Variants in CDC42SE2 observed in about 807,000 individuals in gnomAD.
CDC42SE2 encodes the protein CDC42 small effector protein 2.
Under a neutral mutation model 11.5 loss-of-function variants are expected in CDC42SE2, and 3 were observed. That is an observed-to-expected ratio of 0.26 (90% CI 0.12 to 0.67). The LOEUF (loss-of-function observed/expected upper bound fraction) is 0.67. CDC42SE2 is among the 30% of genes least tolerant of loss of function. The pLI is 0.80. For missense variants in CDC42SE2, 82 were observed against 106.8 expected (o/e 0.77, Z 1.02); for synonymous variants, 33 against 34.8 (o/e 0.95, Z 0.18).
intron 1 of CDC42SE2, among the ~76,000 whole-genome samples, chr5:131,290,908 T>C (rs1757444982): frequency 6.6e-6 from 1 of 152,140 alleles, no homozygotes; most frequent in African/African-American, 2.4e-5. Flanking sequence ...AACTGTATCT[T>C]TGTCTTTTAC....
At chr5:131,211,112 C>T in the CDC42SE2 span, among the ~76,000 whole-genome samples, 1 of 152,332 alleles carries the variant, frequency 6.6e-6, no homozygotes, top group East Asian at 1.9e-4. Context: ...GCTGGGATTA[C>T]AGATGTGAGC....
chr5:131,304,176 G>A (rs1162980714), intron 1 of CDC42SE2, among the ~76,000 whole-genome samples: 1 of 151,762 alleles, frequency 6.6e-6, no homozygotes, highest in African/African-American at 2.4e-5. Flanking sequence ...TAGAAATGGG[G>A]TCTCTCTACA....
intron 1 of CDC42SE2, among the ~76,000 whole-genome samples, chr5:131,270,793 T>C (rs1019617499): frequency 6.6e-6 from 1 of 152,234 alleles, no homozygotes; most frequent in Non-Finnish European, 1.5e-5. Flanking sequence ...TTCAGAACTT[T>C]TCTTTGGCTC....
At chr5:131,356,558 A>G (rs1370857274) in intron 2 of CDC42SE2, among the ~76,000 whole-genome samples, 5 of 152,220 alleles carry the variant, frequency 3.3e-5, no homozygotes. Context: ...AATTGCAAAC[A>G]TCTTCTTGGT....
At chr5:131,381,322 G>GTT (rs58641820) in intron 3 of CDC42SE2, among the ~76,000 whole-genome samples, 25 of 146,212 alleles carry the variant, frequency 1.7e-4, no homozygotes, top group East Asian at 9.9e-4. Flanking sequence ...GTTTTTTTTT[G>GTT]TTTTTTTTTT....
At chr5:131,344,579 C>T (rs1758794575) in intron 2 of CDC42SE2, among the ~76,000 whole-genome samples, 1 of 152,234 alleles carries the variant, frequency 6.6e-6, no homozygotes, top group Non-Finnish European at 1.5e-5. Context: ...GGGGGCAGGG[C>T]ATAGCTGAAC....
chr5:131,331,882 A>T (rs1182598705), intron 2 of CDC42SE2, among the ~76,000 whole-genome samples: 1 of 152,220 alleles, frequency 6.6e-6, no homozygotes. Flanking sequence ...ATCATTTCAA[A>T]TACCACATTT....
the CDC42SE2 span, among the ~76,000 whole-genome samples, chr5:131,215,999 C>T: frequency 6.6e-6 from 1 of 152,122 alleles, no homozygotes; most frequent in Non-Finnish European, 1.5e-5. Context: ...TTTATAAATT[C>T]GCTTTTCTGT....
intron 1 of CDC42SE2, among the ~76,000 whole-genome samples, chr5:131,270,170 C>T (rs960057614): frequency 6.6e-6 from 1 of 151,696 alleles, no homozygotes; most frequent in Non-Finnish European, 1.5e-5. Context: ...GTCAGGAGAT[C>T]AAGACCATCC....
At chr5:131,388,673 C>T (rs1750562314) in intron 4 of CDC42SE2, among the ~76,000 whole-genome samples, 1 of 152,164 alleles carries the variant, frequency 6.6e-6, no homozygotes. Context: ...CACAATAATA[C>T]ATTGTCTCAA....
At chr5:131,238,101 C>A in the CDC42SE2 span, among the ~76,000 whole-genome samples, 1 of 148 alleles carries the variant, frequency 6.8e-3, no homozygotes, top group African/African-American at 0.02. Flanking sequence ...TAGTATTTTT[C>A]ATCCTTTCCC....
Position 131,374,634 on chromosome 5 carries a change from G to T in CDC42SE2, c.55-10909G>T, listed in dbSNP as rs146293855. On this transcript the variant is annotated intron_variant, in intron 3 of 4. Transcript: ENST00000505065. ...GCCAGAAGCAATTCCAGTGCAAAGTGTGGTGTAAGAAAAATTAATTATAGT... is the reference window on the plus strand; with the variant it reads ...GCCAGAAGCAATTCCAGTGCAAAGTTTGGTGTAAGAAAAATTAATTATAGT... 7.5e-3 allele frequency among the ~76,000 whole-genome samples: 1,135 copies of T among 151,690 alleles called. 44 individuals are homozygous for T. Among genetic ancestry groups the T allele is most frequent in the Admixed American group, 0.066 (1,008 of 15,256 alleles).
chr5:131,289,162 T>A (rs1257646012), intron 1 of CDC42SE2, among the ~76,000 whole-genome samples: 2 of 152,226 alleles, frequency 1.3e-5, no homozygotes, highest in African/African-American at 2.4e-5. Context: ...TTGACTAAGA[T>A]CTTGACCTTA....
intron 1 of CDC42SE2, among the ~76,000 whole-genome samples, chr5:131,274,267 G>A (rs757660706): frequency 9.2e-5 from 14 of 151,730 alleles, no homozygotes; most frequent in African/African-American, 3.1e-4. Flanking sequence ...CCCCATTCCC[G>A]TCTTCCTCAT....
At chr5:131,302,575 C>T (rs545569020) in intron 1 of CDC42SE2, among the ~76,000 whole-genome samples, 3 of 152,210 alleles carry the variant, frequency 2.0e-5, no homozygotes, top group South Asian at 2.1e-4. Context: ...CTCAGCCTCC[C>T]GAAGTTCTGG....
intron 2 of CDC42SE2, among the ~76,000 whole-genome samples, chr5:131,347,211 T>C (rs574429780): frequency 3.3e-5 from 5 of 152,096 alleles, no homozygotes; most frequent in Non-Finnish European, 7.4e-5. Context: ...ATCCAGGAGT[T>C]GGTGTTTTTG....
At chr5:131,361,080 T>A (rs912248004) in intron 3 of CDC42SE2, among the ~76,000 whole-genome samples, 1 of 151,130 alleles carries the variant, frequency 6.6e-6, no homozygotes. Flanking sequence ...TTTGTTTTTT[T>A]TTTTGGATTG....
In CDC42SE2 at chr5:131,354,841, T is replaced by A. The variant is rs574623234; in HGVS notation, c.-285-4368T>A. On this transcript the variant is annotated intron_variant, in intron 2 of 4. Coordinates refer to ENST00000505065, the MANE Select transcript of CDC42SE2 (RefSeq NM_001375635.1). Reference sequence around the variant, plus strand: ...CCAAAACGTAAAAAAAAATTTAAAATTTAAATTAAATTAAATTGTTTTGTA... The same window carrying A: ...CCAAAACGTAAAAAAAAATTTAAAAATTAAATTAAATTAAATTGTTTTGTA... The A allele has an allele frequency of 4.6e-5, 7 of 152,286 alleles. 1 individual carries two copies. In the South Asian group the frequency reaches 6.2e-4, roughly 14 times the overall value. The allele number at this position is 152,286 out of a possible 1,614,324, so 9.4% of individuals were successfully genotyped here.
At chr5:131,382,630 A>T (rs888736346) in intron 3 of CDC42SE2, among the ~76,000 whole-genome samples, 2 of 152,186 alleles carry the variant, frequency 1.3e-5, no homozygotes, top group Non-Finnish European at 2.9e-5. Context: ...TGAGAGAGCC[A>T]AGTGGCTCTC....
Sources: gnomAD v4.1 joint callset for allele counts (sites outside exome capture counted in the v4.1 genomes callset) on GRCh38, gnomAD v4.1.1 for gene constraint, MANE v1.5 for transcripts, NCBI Gene and HGNC (gene_info 2026-07-23, HGNC 2026-07-21) for gene names.